RFFL: variants seen among roughly 807,000 people sequenced by gnomAD.
RFFL encodes E3 ubiquitin-protein ligase rififylin.
A neutral mutation model predicts 40.4 loss-of-function variants in RFFL; 16 were observed. The observed-to-expected ratio is 0.40, with a 90% CI of 0.27 to 0.60. The LOEUF is 0.60. RFFL is among the 20% of genes least tolerant of loss of function. The probability of loss-of-function intolerance (pLI) is 0.47; values close to 1 mark genes in which losing one functional copy is unlikely to be tolerated. For missense variants in RFFL, 367 were observed against 451.7 expected (o/e 0.81, Z 1.70); for synonymous variants, 154 against 167.9 (o/e 0.92, Z 0.64).
At position 35,026,383 on chromosome 17, in the gene RFFL, C is replaced by A; in HGVS notation, c.171G>T (p.Thr57=). Residue 57 remains threonine (T), a synonymous_variant, in exon 2 of 7, where the codon ACG becomes ACT. Coordinates refer to ENST00000394597, the MANE Select transcript of RFFL (RefSeq NM_001017368.2). ...CKSCGAHFAN[T]ARKQTCLDCK... ...AGAAGTCAGCACTCACCTTCCTGGC[C>A]GTGTTTGCAAAGTGAGCCCCACAGG... 1 of 1,613,774 alleles carries A rather than the reference C, an allele frequency of 6.2e-7. No individual in the cohort carries two copies. Among genetic ancestry groups the A allele is most frequent in the South Asian group, 1.1e-5 (1 of 91,064 alleles).
intron 1 of RFFL, among the ~76,000 whole-genome samples, chr17:35,045,854 T>C (rs1200393994): frequency 1.3e-5 from 2 of 151,782 alleles, no homozygotes; most frequent in African/African-American, 4.8e-5. Context: ...CAAAACCCCA[T>C]CTGTACTACA....
At chr17:35,055,671 C>CAAA (rs1475235052) in intron 1 of RFFL, among the ~76,000 whole-genome samples, 1 of 125,972 alleles carries the variant, frequency 7.9e-6, no homozygotes, top group African/African-American at 3.9e-5. Context: ...AACTCCATCT[C>CAAA]AAAAAAAAAC....
chr17:35,054,803 A>C (rs1296936965), intron 1 of RFFL, among the ~76,000 whole-genome samples: 1 of 152,154 alleles, frequency 6.6e-6, no homozygotes, highest in Non-Finnish European at 1.5e-5. Flanking sequence ...TAATTCCCTA[A>C]GCGTCATTTT....
At chr17:35,017,710 T>G in intron 3 of RFFL, 104 bp from the exon 4 acceptor site, 1 of 773,318 alleles carries the variant, frequency 1.3e-6, no homozygotes, top group Non-Finnish European at 2.2e-6. Flanking sequence ...ACTCCCATCA[T>G]GCCCAGAAAT....
chr17:35,040,773 CTGGAT>C (rs2091158935), intron 1 of RFFL, among the ~76,000 whole-genome samples: 1 of 150,514 alleles, frequency 6.6e-6, no homozygotes, highest in Non-Finnish European at 1.5e-5. Context: ...TTCCTTCTGC[CTGGAT>C]TGGTCTCCCT....
upstream of RFFL, among the ~76,000 whole-genome samples, chr17:35,067,609 C>G (rs539345655): frequency 6.6e-6 from 1 of 151,680 alleles, no homozygotes; most frequent in Non-Finnish European, 1.5e-5. Context: ...TATGCACCAC[C>G]AGGCCTGGCT....
intron 1 of RFFL, among the ~76,000 whole-genome samples, chr17:35,039,259 C>T (rs534756079): frequency 4.0e-5 from 6 of 151,160 alleles, no homozygotes; most frequent in Non-Finnish European, 7.4e-5. Flanking sequence ...CTCGCTCTGT[C>T]GCCAGGCTGG....
Position 35,011,926 on chromosome 17 carries a change from G to C in RFFL, c.*42C>G, listed in dbSNP as rs1289163029. On this transcript the variant is annotated 3_prime_UTR_variant, in exon 7 of 7. Coordinates refer to ENST00000394597, the MANE Select transcript of RFFL (RefSeq NM_001017368.2). ...GCCAACCCTGAGCCCAGACACCCCA[G>C]GCTATTTCCCTGTAAGGCACTGAAG... is the stretch of plus-strand genomic sequence containing the variant. The C allele has an allele frequency of 6.3e-7, 1 of 1,597,100 alleles. No homozygotes were observed. Among genetic ancestry groups the C allele is most frequent in the South Asian group, 1.1e-5 (1 of 89,028 alleles).
chr17:35,016,566 C>G lies in RFFL; in HGVS notation c.690G>C (p.Glu230Asp). The G allele has an allele frequency of 6.2e-7, 1 of 1,613,964 alleles. No individual in the cohort carries two copies. The highest frequency in any genetic ancestry group is 8.5e-7 in the Non-Finnish European group (1 of 1,179,868). Residue 230 changes from glutamate (E) to aspartate (D), a missense_variant, in exon 5 of 7, where the codon GAG becomes GAC. By Grantham distance (45) the Glu-to-Asp change is conservative (BLOSUM62 2). Transcript: ENST00000394597. ...AEDETQSIDS[E>D]DSFVPGRRAS... ...CCCTTCGGCCTGGGACAAAGCTGTC[C>G]TCTGAGTCAATAGACTGCAATGACA...
intron 3 of RFFL, among the ~76,000 whole-genome samples, 199 bp from the exon 4 acceptor site, chr17:35,017,805 A>G (rs2090983981): frequency 6.6e-6 from 1 of 152,200 alleles, no homozygotes; most frequent in Admixed American, 6.5e-5. Context: ...ATACATTTCA[A>G]TAGACAAAGC....
At chr17:35,023,615 A>C (rs2091022819) in intron 2 of RFFL, among the ~76,000 whole-genome samples, 1 of 152,244 alleles carries the variant, frequency 6.6e-6, no homozygotes, top group African/African-American at 2.4e-5. Context: ...GTTTAGGATG[A>C]CTGAGACTGA....
chr17:35,024,800 T>C (rs1448269523), intron 2 of RFFL, among the ~76,000 whole-genome samples: 1 of 152,200 alleles, frequency 6.6e-6, no homozygotes, highest in Non-Finnish European at 1.5e-5. Context: ...AAGATAAGAA[T>C]GCTGATCCAC....
chr17:35,049,797 A>G (rs901696078), intron 1 of RFFL, among the ~76,000 whole-genome samples: 7 of 152,224 alleles, frequency 4.6e-5, no homozygotes, highest in Non-Finnish European at 1.0e-4. Flanking sequence ...ATTTAAAAGA[A>G]TGGGCCAGGT....
intron 1 of RFFL, among the ~76,000 whole-genome samples, chr17:35,038,495 A>G (rs1391236498): frequency 1.3e-5 from 2 of 152,226 alleles, no homozygotes; most frequent in Admixed American, 1.3e-4. Flanking sequence ...ATACAGGAAT[A>G]TCCATGGAAG....
chr17:35,085,170 T>C (rs1200514157), intron 1 of RFFL, among the ~76,000 whole-genome samples: 2 of 152,086 alleles, frequency 1.3e-5, no homozygotes, highest in Non-Finnish European at 2.9e-5. Flanking sequence ...TGGCTGGCGT[T>C]TGGAACTCCT....
At chr17:35,071,460 A>C (rs2091350383) in intron 1 of RFFL, among the ~76,000 whole-genome samples, 1 of 151,598 alleles carries the variant, frequency 6.6e-6, no homozygotes, top group Non-Finnish European at 1.5e-5. Flanking sequence ...TCTACTAAAA[A>C]TACAAAATTT....
chr17:35,082,971 G>A (rs1336697946), intron 1 of RFFL, among the ~76,000 whole-genome samples: 1 of 152,152 alleles, frequency 6.6e-6, no homozygotes, highest in African/African-American at 2.4e-5. Flanking sequence ...TTTTAAATCA[G>A]ATGGTTCTAT....
intron 1 of RFFL, chr17:35,069,361 A>G: frequency 4.4e-6 from 2 of 456,566 alleles, no homozygotes; most frequent in Non-Finnish European, 8.8e-6. Flanking sequence ...GGTGATTTCT[A>G]GCCAAGTAGA....
At chr17:35,066,807 G>A (rs1316847529), upstream of RFFL, among the ~76,000 whole-genome samples, 1 of 151,474 alleles carries the variant, frequency 6.6e-6, no homozygotes, top group Non-Finnish European at 1.5e-5. Flanking sequence ...ATCAGTGCCT[G>A]TCTCACCTTG....
Sources: allele counts gnomAD v4.1 joint callset (sites outside exome capture counted in the v4.1 genomes callset), GRCh38; gene constraint gnomAD v4.1.1; transcripts MANE v1.5; gene names NCBI Gene and HGNC (gene_info 2026-07-23, HGNC 2026-07-21).